IYD: variants seen among roughly 807,000 people sequenced by gnomAD.
The protein encoded by IYD is iodotyrosine deiodinase 1.
IYD carries 25 observed loss-of-function variants against 28.4 expected under a neutral mutation model. The ratio of observed to expected loss-of-function variants is 0.88; its 90% CI spans 0.64 to 1.23. The LOEUF (loss-of-function observed/expected upper bound fraction) is 1.23. IYD is among the 50% of genes most tolerant of loss of function. The pLI is 0.00. For missense variants in IYD, 352 were observed against 357.9 expected (o/e 0.98, Z 0.13); for synonymous variants, 140 against 130.8 (o/e 1.07, Z -0.48).
intron 1 of IYD, among the ~76,000 whole-genome samples, chr6:150,377,785 A>G (rs1777502518): frequency 6.6e-6 from 1 of 152,238 alleles, no homozygotes. Flanking sequence ...TTAACTACAG[A>G]GGCTGCCAGA....
intron 3 of IYD, among the ~76,000 whole-genome samples, chr6:150,393,417 G>T (rs544292932): frequency 6.6e-6 from 1 of 152,300 alleles, no homozygotes; most frequent in South Asian, 2.1e-4. Context: ...AGCGTAAGAG[G>T]AGCCATGGAG....
rs200771803 is a variant in IYD, at chr6:150,398,129, C to T, written c.762C>T (p.Pro254=). 9.9e-5 allele frequency: 159 copies of T among 1,614,180 alleles called. No individual in the cohort carries two copies. In the Admixed American group the frequency reaches 1.5e-3, roughly 16 times the overall value. The change falls in exon 5 of 5, where the codon CCC becomes CCT. Residue 254 remains proline, a synonymous_variant. Coordinates refer to ENST00000344419, the MANE Select transcript of IYD (RefSeq NM_203395.3). ...GACTGAGGGTGCTCCTGGGCCGCCC[C>T]GCACATGAAAAGCTGCTGATGCTGC... ...GPRLRVLLGR[P]AHEKLLMLLP...
rs1417565828 is a variant in IYD, at chr6:150,400,199, C to G, written c.*1962C>G. On this transcript the variant is annotated 3_prime_UTR_variant, in exon 5 of 5. Coordinates refer to ENST00000344419, the MANE Select transcript of IYD (RefSeq NM_203395.3). The stretch of plus-strand genomic sequence containing the variant: ...CTGCAGGGAGTCAGCCTTACCCCAT[C>G]AGAGACCAACTTGAAAGATTTTTTT... The G allele has an allele frequency of 6.6e-6, 1 of 152,164 alleles. No homozygotes were observed. Among genetic ancestry groups the G allele is most frequent in the African/African-American group, 2.4e-5 (1 of 41,416 alleles). 9.4% of individuals were successfully genotyped at this position (152,164 alleles called of 1,614,324 possible).
At chr6:150,392,639 T>A (rs1778165257) in intron 3 of IYD, 135 bp downstream of exon 3, 3 of 900,334 alleles carry the variant, frequency 3.3e-6, no homozygotes, top group Non-Finnish European at 5.4e-6. Context: ...ATTACGGAAG[T>A]TAAGTCCGGG....
In IYD at chr6:150,398,202, C is replaced by T. The variant is rs1052959039; in HGVS notation, c.835C>T (p.Arg279Cys). Reference sequence around the variant, plus strand: ...GGAGGCCACGGTGCCTGACCTCAAGCGCAAACCTCTGGACCAGATCATGGT... The same window carrying T: ...GGAGGCCACGGTGCCTGACCTCAAGTGCAAACCTCTGGACCAGATCATGGT... ...SKEATVPDLK[R>C]KPLDQIMVTV is the part of the protein sequence containing the mutation. Residue 279 changes from arginine to cysteine, a missense_variant, in exon 5 of 5, where the codon CGC becomes TGC. By Grantham distance (180) the Arg-to-Cys change is radical. Transcript: ENST00000344419. 1.1e-5 allele frequency: 17 copies of T among 1,614,036 alleles called. No individual in the cohort carries two copies. The Middle Eastern group carries it at 8.2e-4, about 78-fold the overall frequency.
Position 150,401,876 on chromosome 6 carries a change from T to C in IYD, c.*3639T>C, listed in dbSNP as rs1229930046. ...CCAAGAGGGAATTTTTAACTCAAAG[T>C]TGTGTCAGCCAGCACGGGGTAGAGC... On this transcript the variant is annotated 3_prime_UTR_variant, in exon 5 of 5. Transcript: ENST00000344419. 6.6e-6 allele frequency: 1 copy of C among 152,240 alleles called. No individual in the cohort carries two copies. The highest frequency in any genetic ancestry group is 2.4e-5 in the African/African-American group (1 of 41,470). The allele number at this position is 152,240 out of a possible 1,614,324, so 9.4% of individuals were successfully genotyped here.
At position 150,400,026 on chromosome 6, in the gene IYD, T is replaced by G. The variant is rs1451873053; in HGVS notation, c.*1789T>G. On this transcript the variant is annotated 3_prime_UTR_variant, in exon 5 of 5. Transcript: ENST00000344419. ...TAACATTCATAAATGGTGGGGGCCCTTACTGTGGTAGAAACCATTGTCACT... is the reference window on the plus strand; with the variant it reads ...TAACATTCATAAATGGTGGGGGCCCGTACTGTGGTAGAAACCATTGTCACT... 1 of 152,220 alleles carries G rather than the reference T, an allele frequency of 6.6e-6. No individual in the cohort carries two copies. Among genetic ancestry groups the G allele is most frequent in the Non-Finnish European group, 1.5e-5 (1 of 68,052 alleles). 9.4% of individuals were successfully genotyped at this position (152,220 alleles called of 1,614,324 possible). A position where few individuals can be genotyped will look rare whatever the true frequency, so the allele number is the denominator to read the frequency against.
chr6:150,372,958 G>GA (rs1270516504), intron 1 of IYD, among the ~76,000 whole-genome samples: 3 of 152,176 alleles, frequency 2.0e-5, no homozygotes, highest in African/African-American at 4.8e-5. Context: ...AAAGTGAACT[G>GA]AAAATCCTAC....
rs1467576569 is a variant in IYD at position 150,399,023 on chromosome 6, A to G, written c.*786A>G. 3 of 152,422 alleles carry G rather than the reference A, an allele frequency of 2.0e-5. No individual in the cohort carries two copies. In the East Asian group the frequency reaches 5.8e-4, roughly 29 times the overall value. The allele number at this position is 152,422 out of a possible 1,614,324, so 9.4% of individuals were successfully genotyped here. ...CCACCACTGCACTCCAGCCTGGGCA[A>G]CAGAGCGAGAACCTGTCTCAAAAAA... is the stretch of plus-strand genomic sequence containing the variant. On this transcript the variant is annotated 3_prime_UTR_variant, in exon 5 of 5. Coordinates refer to ENST00000344419, the MANE Select transcript of IYD (RefSeq NM_203395.3).
intron 3 of IYD, among the ~76,000 whole-genome samples, chr6:150,393,166 ACC>A (rs1778187605): frequency 1.3e-5 from 2 of 151,926 alleles, no homozygotes. Flanking sequence ...AACTATTTTC[ACC>A]CTTGCAATAA....
intron 1 of IYD, among the ~76,000 whole-genome samples, chr6:150,370,997 G>C (rs1016626943): frequency 1.3e-5 from 2 of 152,150 alleles, no homozygotes; most frequent in African/African-American, 2.4e-5. Context: ...ACCAGTATGG[G>C]GAAGATACTT....
At chr6:150,377,701 G>A (rs1777500370) in intron 1 of IYD, among the ~76,000 whole-genome samples, 1 of 152,212 alleles carries the variant, frequency 6.6e-6, no homozygotes. Context: ...AGTGCTGAAT[G>A]GGTCTTAAGA....
intron 4 of IYD, chr6:150,395,490 G>A (rs1356375662): frequency 3.3e-6 from 5 of 1,537,162 alleles, no homozygotes; most frequent in African/African-American, 1.4e-5. Context: ...ATCAGACTGC[G>A]AGGCACCGCC....
chr6:150,394,233 G>A lies in IYD; in HGVS notation c.665G>A (p.Gly222Asp). 2 of 1,614,190 alleles carry A rather than the reference G, an allele frequency of 1.2e-6. No individual in the cohort carries two copies. Among genetic ancestry groups the A allele is most frequent in the Non-Finnish European group, 1.7e-6 (2 of 1,180,032 alleles). The change falls in exon 4 of 5, where the codon GGC becomes GAC. Residue 222 changes from glycine (G) to aspartate (D), a missense_variant. By Grantham distance (94) the Gly-to-Asp change is moderately conservative. Transcript: ENST00000344419. ...YNEISVSIAC[G>D]ILLAALQNAG... ...GAGATCAGTGTTTCCATCGCTTGTG[G>A]CATCCTGCTAGCTGCCCTGCAGGTA... is the stretch of plus-strand genomic sequence containing the variant.
At chr6:150,382,096 G>T (rs1016529046) in intron 1 of IYD, among the ~76,000 whole-genome samples, 1 of 152,144 alleles carries the variant, frequency 6.6e-6, no homozygotes, top group Non-Finnish European at 1.5e-5. Context: ...TCGGCCTCTT[G>T]CAGGAATGGC....
intron 1 of IYD, among the ~76,000 whole-genome samples, chr6:150,377,706 T>C (rs1194656932): frequency 6.6e-6 from 1 of 152,228 alleles, no homozygotes; most frequent in African/African-American, 2.4e-5. Flanking sequence ...TGAATGGGTC[T>C]TAAGACTTAG....
chr6:150,398,346 C>A lies in IYD; in HGVS notation c.*109C>A. 1 of 1,054,290 alleles carries A rather than the reference C, an allele frequency of 9.5e-7. No homozygotes were observed. Among genetic ancestry groups the A allele is most frequent in the South Asian group, 1.3e-5 (1 of 74,662 alleles). The allele number at this position is 1,054,290 out of a possible 1,614,324, so 65.3% of individuals were successfully genotyped here. Reference sequence around the variant, plus strand: ...CTGCTCTTTCTCCAGGTGTCAGGTCCCCTCATTGCTCTTCTCAGGTGGCCA... The same window carrying A: ...CTGCTCTTTCTCCAGGTGTCAGGTCACCTCATTGCTCTTCTCAGGTGGCCA... On this transcript the variant is annotated 3_prime_UTR_variant, in exon 5 of 5. Coordinates refer to ENST00000344419, the MANE Select transcript of IYD (RefSeq NM_203395.3).
chr6:150,392,622 T>C, intron 3 of IYD, 118 bp downstream of exon 3: 1 of 1,100,332 alleles, frequency 9.1e-7, no homozygotes, highest in Non-Finnish European at 1.4e-6. Context: ...TTCTGCCTCT[T>C]GGAGGAATTA....
chr6:150,397,587 C>T (rs11382566), intron 4 of IYD, among the ~76,000 whole-genome samples: 1 of 86,112 alleles, frequency 1.2e-5, no homozygotes, highest in Non-Finnish European at 2.1e-5. Flanking sequence ...AAACAAAAAA[C>T]AAAACCGAAT....
Sources: allele counts gnomAD v4.1 joint callset (sites outside exome capture counted in the v4.1 genomes callset), GRCh38; gene constraint gnomAD v4.1.1; transcripts MANE v1.5; gene names NCBI Gene and HGNC (gene_info 2026-07-23, HGNC 2026-07-21).